FRK: variants seen among roughly 807,000 people sequenced by gnomAD.
The protein encoded by FRK is tyrosine-protein kinase FRK.
FRK carries 51 observed loss-of-function variants against 56.4 expected under a neutral mutation model. The observed-to-expected ratio is 0.90, with a 90% confidence interval of 0.72 to 1.14. The LOEUF (loss-of-function observed/expected upper bound fraction) is 1.14. Ranked by LOEUF, FRK falls within the 50% of genes most tolerant of loss-of-function variation. The pLI, the probability that FRK is intolerant of heterozygous loss-of-function variation, is 0.00. For synonymous variants in FRK, 245 were observed against 217.9 expected (o/e 1.12, Z -1.10); for missense variants, 570 against 601.4 (o/e 0.95, Z 0.55).
At chr6:115,953,948 T>TA (rs1269090532) in intron 5 of FRK, among the ~76,000 whole-genome samples, 1 of 152,122 alleles carries the variant, frequency 6.6e-6, no homozygotes, top group Non-Finnish European at 1.5e-5. Context: ...ATAAATAAGA[T>TA]ACACAGTATA....
intron 2 of FRK, among the ~76,000 whole-genome samples, chr6:115,994,334 C>T (rs1345966707): frequency 1.9e-5 from 2 of 104,894 alleles, no homozygotes; most frequent in Non-Finnish European, 4.4e-5. Flanking sequence ...TCCCCCCCCC[C>T]CGCCTTTTTT....
At chr6:116,043,811 A>G (rs1040783118) in intron 1 of FRK, among the ~76,000 whole-genome samples, 4 of 152,184 alleles carry the variant, frequency 2.6e-5, no homozygotes, top group Non-Finnish European at 4.4e-5. Flanking sequence ...TGGTTTATTG[A>G]AAAGATTAAC....
chr6:115,937,012 G>A lies in FRK; in HGVS notation c.*5402C>T, dbSNP rs1235409446. On this transcript the variant is annotated 3_prime_UTR_variant, in exon 8 of 8. Transcript: ENST00000606080. ...TACTCCTCGAGCAGAGCAACCCCAA[G>A]ACATATAATCGTCATATTCACCAAG... 1 of 152,084 alleles carries A rather than the reference G, an allele frequency of 6.6e-6. No individual in the cohort carries two copies. The highest frequency in any genetic ancestry group is 1.9e-4 in the East Asian group (1 of 5,196). 9.4% of individuals were successfully genotyped at this position (152,084 alleles called of 1,614,324 possible). A position where few individuals can be genotyped will look rare whatever the true frequency, so the allele number is the denominator to read the frequency against.
chr6:116,084,295 A>C, the FRK span, among the ~76,000 whole-genome samples: 1 of 152,074 alleles, frequency 6.6e-6, no homozygotes, highest in Non-Finnish European at 1.5e-5. Flanking sequence ...TAACCCCAAA[A>C]CTCGGTGGTT....
At chr6:116,039,132 C>G in intron 1 of FRK, 1 of 906,194 alleles carries the variant, frequency 1.1e-6, no homozygotes, top group South Asian at 1.3e-5. Flanking sequence ...ATCGCTTGCA[C>G]TGGGGAGAAG....
chr6:115,966,824 C>T (rs1016878147), intron 4 of FRK, among the ~76,000 whole-genome samples: 4 of 152,080 alleles, frequency 2.6e-5, no homozygotes, highest in Non-Finnish European at 5.9e-5. Context: ...AGTTTTTATC[C>T]ATCACTTACT....
the FRK span, among the ~76,000 whole-genome samples, chr6:116,072,017 T>C: frequency 6.6e-6 from 1 of 152,182 alleles, no homozygotes; most frequent in Non-Finnish European, 1.5e-5. Context: ...GGGTATTTGC[T>C]GTTGAGGATG....
At chr6:116,013,112 A>G (rs1775531874) in intron 1 of FRK, among the ~76,000 whole-genome samples, 2 of 152,126 alleles carry the variant, frequency 1.3e-5, no homozygotes, top group African/African-American at 2.4e-5. Flanking sequence ...TAAATGAGAA[A>G]TTTTGAAGGA....
At chr6:115,960,092 G>A (rs1489146703) in intron 4 of FRK, among the ~76,000 whole-genome samples, 6 of 152,104 alleles carry the variant, frequency 3.9e-5, no homozygotes, top group East Asian at 3.9e-4. Flanking sequence ...CAGCGTGAGC[G>A]ACGCAGAAGA....
At chr6:115,947,670 G>C (rs1435856070) in intron 5 of FRK, among the ~76,000 whole-genome samples, 1 of 152,036 alleles carries the variant, frequency 6.6e-6, no homozygotes, top group Admixed American at 6.6e-5. Context: ...CCACCTAGCA[G>C]AGCAGTCTGG....
At chr6:116,023,790 C>A (rs1423290526) in intron 1 of FRK, among the ~76,000 whole-genome samples, 1 of 151,984 alleles carries the variant, frequency 6.6e-6, no homozygotes, top group Non-Finnish European at 1.5e-5. Context: ...AAGAAATGTT[C>A]TACATCATTA....
the FRK span, among the ~76,000 whole-genome samples, chr6:116,095,663 A>G: frequency 6.6e-6 from 1 of 152,184 alleles, no homozygotes; most frequent in East Asian, 1.9e-4. Flanking sequence ...TATCTACTTC[A>G]TGATCCTACT....
chr6:116,041,991 C>T (rs1481659944), intron 1 of FRK, among the ~76,000 whole-genome samples: 1 of 152,220 alleles, frequency 6.6e-6, no homozygotes, highest in Non-Finnish European at 1.5e-5. Context: ...AAGCTAAGAT[C>T]CACTGACATG....
chr6:115,961,212 A>C (rs1447756346), intron 4 of FRK, among the ~76,000 whole-genome samples: 2 of 97,538 alleles, frequency 2.1e-5, no homozygotes, highest in Non-Finnish European at 4.0e-5. Flanking sequence ...GAGCTGATGG[A>C]GCTGAAAACC....
At chr6:115,956,198 G>A (rs1189775504) in intron 5 of FRK, among the ~76,000 whole-genome samples, 3 of 152,048 alleles carry the variant, frequency 2.0e-5, no homozygotes, top group Non-Finnish European at 2.9e-5. Context: ...AATTTCCCAC[G>A]TTACATTCAA....
At chr6:115,982,316 C>T (rs1434578791) in intron 2 of FRK, among the ~76,000 whole-genome samples, 1 of 152,134 alleles carries the variant, frequency 6.6e-6, no homozygotes, top group Non-Finnish European at 1.5e-5. Context: ...AATAATTATA[C>T]CATTGCCAGC....
chr6:116,024,684 G>C (rs1443672127), intron 1 of FRK, among the ~76,000 whole-genome samples: 3 of 152,082 alleles, frequency 2.0e-5, no homozygotes, highest in Non-Finnish European at 4.4e-5. Flanking sequence ...ATTTGGGTCG[G>C]TTCCAAGTCT....
At chr6:115,956,343 T>C in intron 5 of FRK, 109 bp downstream of exon 5, 1 of 680,936 alleles carries the variant, frequency 1.5e-6, no homozygotes, top group Non-Finnish European at 2.3e-6. Context: ...CTCACAGACA[T>C]ACACATAGTA....
intron 1 of FRK, among the ~76,000 whole-genome samples, chr6:116,020,547 C>T (rs4946132): frequency 0.38 from 58,066 of 151,996 alleles, 12,290 homozygotes; most frequent in East Asian, 0.79. Flanking sequence ...ACCTCAGCTT[C>T]CCAAAGTGTT....
Sources: gnomAD v4.1 joint callset for allele counts (sites outside exome capture counted in the v4.1 genomes callset) on GRCh38, gnomAD v4.1.1 for gene constraint, MANE v1.5 for transcripts, NCBI Gene and HGNC (gene_info 2026-07-23, HGNC 2026-07-21) for gene names.